Variants in ANKRD17 observed in about 807,000 individuals in gnomAD.
The protein encoded by ANKRD17 is ankyrin repeat domain 17, also known as ankyrin repeat domain-containing protein 17.
Under a neutral mutation model 229.7 loss-of-function variants are expected in ANKRD17, and 19 were observed. The ratio of observed to expected loss-of-function variants is 0.08; its 90% confidence interval spans 0.06 to 0.12. ANKRD17 has a LOEUF of 0.12. Among genes scored for constraint, ANKRD17 ranks in the 10% least tolerant of loss-of-function variants. The probability of loss-of-function intolerance (pLI) is 1.00; values close to 1 mark genes in which losing one functional copy is unlikely to be tolerated. For missense variants in ANKRD17, 2,176 were observed against 3,176.8 expected, an observed-to-expected ratio of 0.68 and a Z score of 7.57; for synonymous variants, 1,112 against 1,146.1, an observed-to-expected ratio of 0.97 and a Z score of 0.60.
At chr4:73,120,119 G>T (rs984996027) in intron 21 of ANKRD17, 43 bp downstream of exon 21, 1 of 1,567,782 alleles carries the variant, frequency 6.4e-7, no homozygotes, top group Admixed American at 1.7e-5. Flanking sequence ...ATAACCACTA[G>T]TAACACTTGT....
At chr4:73,113,171 G>T (rs1465919466) in intron 24 of ANKRD17, 1 of 1,272,848 alleles carries the variant, frequency 7.9e-7, no homozygotes, top group African/African-American at 1.5e-5. Context: ...TTACTATTCA[G>T]TTAAGTTCTA....
intron 11 of ANKRD17, 95 bp downstream of exon 11, chr4:73,144,650 C>A (rs1317693040): frequency 4.4e-6 from 3 of 682,836 alleles, no homozygotes; most frequent in Non-Finnish European, 4.6e-6. Context: ...CATATGATAC[C>A]CTCTTGCCTT....
intron 2 of ANKRD17, among the ~76,000 whole-genome samples, chr4:73,167,155 A>G (rs1223732758): frequency 6.6e-6 from 1 of 152,202 alleles, no homozygotes; most frequent in African/African-American, 2.4e-5. Context: ...ATGAAAAAAG[A>G]CTGCCTGTAC....
chr4:73,224,544 T>C lies in ANKRD17; in HGVS notation c.393+33732A>G, dbSNP rs143056892. ...TGGTATTTAAGAAATACCCATACTGTGTCAAGCAATATATGATTTCTTTTT... is the reference window on the plus strand; with the variant it reads ...TGGTATTTAAGAAATACCCATACTGCGTCAAGCAATATATGATTTCTTTTT... On this transcript the variant is annotated intron_variant, in intron 1 of 33. Transcript: ENST00000358602. Among the ~76,000 whole-genome samples the C allele has an allele frequency of 9.8e-5, 15 of 152,336 alleles. No homozygotes were observed. The East Asian group carries it at 2.9e-3, about 29-fold the overall frequency.
intron 1 of ANKRD17, among the ~76,000 whole-genome samples, chr4:73,232,985 A>C (rs1041612360): frequency 2.0e-5 from 3 of 152,218 alleles, no homozygotes; most frequent in African/African-American, 7.2e-5. Flanking sequence ...GGCCTCCCAA[A>C]GTGCTGGGAT....
chr4:73,158,731 A>G (rs183893128), intron 3 of ANKRD17, among the ~76,000 whole-genome samples: 15 of 152,304 alleles, frequency 9.8e-5, no homozygotes, highest in African/African-American at 3.6e-4. Context: ...GAATTAATGG[A>G]TTAATGGGTA....
At chr4:73,230,106 AGCCTTCACCAGAACT>A (rs1365131775) in intron 1 of ANKRD17, among the ~76,000 whole-genome samples, 2 of 152,146 alleles carry the variant, frequency 1.3e-5, no homozygotes, top group African/African-American at 2.4e-5. Context: ...AGAATGATTA[AGCCTTCACCAGAACT>A]GCCAAAATAA....
intron 21 of ANKRD17, 30 bp from the exon 22 acceptor site, chr4:73,118,880 CTTTT>C (rs751549226): frequency 0.013 from 10,451 of 791,734 alleles, no homozygotes; most frequent in East Asian, 0.019. Context: ...ATAGCATTGT[CTTTT>C]TTTTTTTTTT....
At chr4:73,159,080 A>C (rs1433739275) in intron 3 of ANKRD17, among the ~76,000 whole-genome samples, 1 of 152,206 alleles carries the variant, frequency 6.6e-6, no homozygotes, top group Non-Finnish European at 1.5e-5. Flanking sequence ...GTGCAATACT[A>C]TATATTTTAT....
In ANKRD17 at chr4:73,118,214, G is replaced by T. The variant is rs1049492753; in HGVS notation, c.4188+474C>A. Among the ~76,000 whole-genome samples the T allele has an allele frequency of 1.4e-3, 217 of 151,966 alleles. 1 individual carries two copies. Among genetic ancestry groups the T allele is most frequent in the African/African-American group, 4.9e-3 (202 of 41,442 alleles). On this transcript the variant is annotated intron_variant, in intron 22 of 33. Transcript: ENST00000358602. ...ATAATTTTTGTAGAGGCAGGGCTTC[G>T]CTACATCTGCCTGCCTTGGCCTCCC...
chr4:73,140,818 C>G (rs549773956), intron 14 of ANKRD17, among the ~76,000 whole-genome samples: 2 of 152,126 alleles, frequency 1.3e-5, no homozygotes, highest in African/African-American at 2.4e-5. Flanking sequence ...TTTGTTGGGG[C>G]CTACCATCTT....
chr4:73,123,742 A>T (rs1472569674), intron 18 of ANKRD17, among the ~76,000 whole-genome samples: 1 of 152,018 alleles, frequency 6.6e-6, no homozygotes, highest in East Asian at 1.9e-4. Context: ...AGTTTATTTT[A>T]AAAATCTAGT....
chr4:73,134,995 C>T (rs1174406354), intron 16 of ANKRD17, 122 bp downstream of exon 16: 3 of 928,722 alleles, frequency 3.2e-6, no homozygotes. Context: ...TAATTTAAAA[C>T]TGGCTCAAGA....
rs1046091652 is a variant in ANKRD17, at chr4:73,250,300, A to G, written c.393+7976T>C. 2.0e-5 allele frequency among the ~76,000 whole-genome samples: 3 copies of G among 152,164 alleles called. No individual in the cohort carries two copies. The South Asian group carries it at 6.2e-4, about 32-fold the overall frequency. On this transcript the variant is annotated intron_variant, in intron 1 of 33. Coordinates refer to ENST00000358602, the MANE Select transcript of ANKRD17 (RefSeq NM_032217.5). ...AGCAAGCTTTGAGAAATTTCACCAT[A>G]TATCAAAATTGTTTATAAAGGCTGC...
At chr4:73,160,029 C>T (rs1299016273) in intron 3 of ANKRD17, among the ~76,000 whole-genome samples, 1 of 152,098 alleles carries the variant, frequency 6.6e-6, no homozygotes, top group African/African-American at 2.4e-5. Flanking sequence ...AATTTACTCT[C>T]TAAACCCAAA....
intron 2 of ANKRD17, among the ~76,000 whole-genome samples, chr4:73,165,067 G>GA (rs1578243196): frequency 6.6e-6 from 1 of 152,046 alleles, no homozygotes; most frequent in African/African-American, 2.4e-5. Flanking sequence ...GTAAAACTAG[G>GA]AAAAATCTGT....
rs923354143 is a variant in ANKRD17 at position 73,258,094 on chromosome 4, C to G, written c.393+182G>C. Among the ~76,000 whole-genome samples the G allele has an allele frequency of 2.0e-5, 3 of 151,872 alleles. No individual in the cohort carries two copies. In the East Asian group the frequency reaches 5.8e-4, roughly 29 times the overall value. ...TGGTCCTCCCACCCCCACGTGTCAG[C>G]TACCCTCCCCCACATTCCCACACCT... On this transcript the variant is annotated intron_variant, in intron 1 of 33. Coordinates refer to ENST00000358602, the MANE Select transcript of ANKRD17 (RefSeq NM_032217.5).
In ANKRD17 at chr4:73,208,601, T is replaced by C. The variant is rs113750229; in HGVS notation, c.394-31068A>G. The stretch of plus-strand genomic sequence containing the variant: ...AATACAGCACAAGCACAGGAGAGAA[T>C]AGAGTGACTAACAGCCTTAGGCATT... On this transcript the variant is annotated intron_variant, in intron 1 of 33. Transcript: ENST00000358602. Among the ~76,000 whole-genome samples, 1,437 of 152,176 alleles carry C rather than the reference T, an allele frequency of 9.4e-3. 13 individuals carry two copies. Among genetic ancestry groups the C allele is most frequent in the Middle Eastern group, 0.031 (9 of 294 alleles).
chr4:73,240,458 CA>C (rs34164034), intron 1 of ANKRD17, among the ~76,000 whole-genome samples: 47,463 of 114,720 alleles, frequency 0.41, 8,267 homozygotes, highest in Non-Finnish European at 0.48. Flanking sequence ...ACTATCTCTA[CA>C]AAAAAAAAAA....
Sources: allele counts gnomAD v4.1 joint callset (sites outside exome capture counted in the v4.1 genomes callset), GRCh38; gene constraint gnomAD v4.1.1; transcripts MANE v1.5; gene names NCBI Gene and HGNC (gene_info 2026-07-23, HGNC 2026-07-21).